Variants in CHST8 observed in about 807,000 individuals in gnomAD.
The protein encoded by CHST8 is carbohydrate sulfotransferase 8, also known as GALNAC-4-ST1.
Under a neutral mutation model 15.0 loss-of-function variants are expected in CHST8, and 10 were observed. That is an observed-to-expected ratio of 0.67 (90% CI 0.41 to 1.13). The LOEUF (loss-of-function observed/expected upper bound fraction) is 1.13. Ranked by LOEUF, CHST8 falls within the 50% of genes most tolerant of loss-of-function variation. The probability of loss-of-function intolerance (pLI) is 0.00; values close to 1 mark genes in which losing one functional copy is unlikely to be tolerated. For missense variants in CHST8, 634 were observed against 608.2 expected (o/e 1.04, Z -0.45); for synonymous variants, 259 against 256.6 (o/e 1.01, Z -0.09).
At chr19:33,703,094 G>A (rs1309022094) in intron 3 of CHST8, among the ~76,000 whole-genome samples, 1 of 152,226 alleles carries the variant, frequency 6.6e-6, no homozygotes, top group Non-Finnish European at 1.5e-5. Flanking sequence ...CAGCTGCCGT[G>A]GAGAGGTGGA....
chr19:33,719,247 G>A (rs998349228), intron 3 of CHST8, among the ~76,000 whole-genome samples: 6 of 151,902 alleles, frequency 3.9e-5, no homozygotes, highest in African/African-American at 1.5e-4. Flanking sequence ...GTCAGCCGGG[G>A]GTGGGCCGGG....
intron 2 of CHST8, among the ~76,000 whole-genome samples, chr19:33,681,438 G>A (rs148369021): frequency 6.6e-6 from 1 of 152,306 alleles, no homozygotes; most frequent in Non-Finnish European, 1.5e-5. Context: ...CCCAGGAACA[G>A]GGATAACTGT....
At chr19:33,751,123 G>A (rs536234604) in intron 3 of CHST8, among the ~76,000 whole-genome samples, 10 of 152,284 alleles carry the variant, frequency 6.6e-5, no homozygotes, top group South Asian at 4.1e-4. Flanking sequence ...AGTCATTAAC[G>A]TGGCCAAAAA....
At chr19:33,713,321 G>T (rs1260543698) in intron 3 of CHST8, among the ~76,000 whole-genome samples, 1 of 152,096 alleles carries the variant, frequency 6.6e-6, no homozygotes, top group Non-Finnish European at 1.5e-5. Context: ...TGGCTCCCCT[G>T]GTAGGCCACC....
At chr19:33,645,838 T>A (rs1972348776) in intron 1 of CHST8, among the ~76,000 whole-genome samples, 1 of 152,020 alleles carries the variant, frequency 6.6e-6, no homozygotes, top group African/African-American at 2.4e-5. Flanking sequence ...AAAAAGAGTT[T>A]AGTGAGGGCC....
intron 2 of CHST8, among the ~76,000 whole-genome samples, chr19:33,674,325 A>G (rs1223168777): frequency 1.3e-5 from 2 of 152,076 alleles, no homozygotes; most frequent in African/African-American, 4.8e-5. Flanking sequence ...AGTCCCAATT[A>G]ACCATCTGCA....
rs1974561554 is a variant in CHST8, at chr19:33,757,113, G to A, written c.131-14300G>A. On this transcript the variant is annotated intron_variant, in intron 3 of 4. Coordinates refer to ENST00000650847, the MANE Select transcript of CHST8 (RefSeq NM_001127895.2). ...GAGGAAGAGCTGGCCATTCAGGATG[G>A]GCGCAGTGGCTCATGCCTGTAATCC... Among the ~76,000 whole-genome samples the A allele has an allele frequency of 2.0e-5, 3 of 152,124 alleles. No individual in the cohort carries two copies. The South Asian group carries it at 6.2e-4, about 32-fold the overall frequency.
intron 1 of CHST8, among the ~76,000 whole-genome samples, chr19:33,636,156 A>C (rs1325269566): frequency 1.3e-5 from 2 of 151,432 alleles, no homozygotes; most frequent in Non-Finnish European, 1.5e-5. Context: ...GGCAGATTTG[A>C]GGAATCATTC....
At chr19:33,672,633 T>C (rs1164459322) in intron 2 of CHST8, among the ~76,000 whole-genome samples, 1 of 152,218 alleles carries the variant, frequency 6.6e-6, no homozygotes, top group Non-Finnish European at 1.5e-5. Context: ...GGACTCTGAC[T>C]GGCCGGGCAG....
In CHST8 at chr19:33,678,850, T is replaced by G. The variant is rs557215967; in HGVS notation, c.-86-10326T>G. 6.6e-5 allele frequency among the ~76,000 whole-genome samples: 10 copies of G among 152,344 alleles called. No homozygotes were observed. The East Asian group carries it at 1.9e-3, about 29-fold the overall frequency. ...GAGTGGACCCACAGAGCACAACCAC[T>G]GGACTCCACATGACCCCAGCCCGAA... On this transcript the variant is annotated intron_variant, in intron 2 of 4. Coordinates refer to ENST00000650847, the MANE Select transcript of CHST8 (RefSeq NM_001127895.2).
rs563608654 is a variant in CHST8, at chr19:33,665,257, T to C, written c.-163-2510T>C. On this transcript the variant is annotated intron_variant, in intron 1 of 4. Transcript: ENST00000650847. ...TCCATATCCTTACTAGCATCTGTTA[T>C]GCCAGACAGACTATTTATAAGTGAA... is the stretch of plus-strand genomic sequence containing the variant. Among the ~76,000 whole-genome samples, 3 of 152,370 alleles carry C rather than the reference T, an allele frequency of 2.0e-5. No homozygotes were observed. In the South Asian group the frequency reaches 6.2e-4, roughly 32 times the overall value.
intron 3 of CHST8, among the ~76,000 whole-genome samples, chr19:33,742,254 G>A (rs946725841): frequency 6.6e-6 from 1 of 152,134 alleles, no homozygotes; most frequent in Admixed American, 6.5e-5. Flanking sequence ...AAAACTGGGT[G>A]TATTAGTTTG....
intron 3 of CHST8, among the ~76,000 whole-genome samples, chr19:33,728,046 A>G (rs1973934554): frequency 1.3e-5 from 2 of 152,254 alleles, no homozygotes; most frequent in Admixed American, 1.3e-4. Context: ...CTTCGCTCCC[A>G]CGGCAGGTTC....
intron 3 of CHST8, among the ~76,000 whole-genome samples, chr19:33,738,692 C>G (rs1263650937): frequency 1.3e-5 from 2 of 152,158 alleles, no homozygotes; most frequent in Non-Finnish European, 2.9e-5. Flanking sequence ...AGGGTTCAAG[C>G]AATTCTCCTG....
rs1431563735 is a variant in CHST8 at position 33,772,343 on chromosome 19, C to T, written c.555C>T (p.Phe185=). 8 of 1,606,554 alleles carry T rather than the reference C, an allele frequency of 5.0e-6. No individual in the cohort carries two copies. The highest frequency in any genetic ancestry group is 6.8e-6 in the Non-Finnish European group (8 of 1,179,164). ...AVTPRHVSRI[F]VEDRHRVLYC... Reference sequence around the variant, plus strand: ...CGCCCCGCCACGTGTCCCGTATCTTCGTGGAGGACCGCCACCGCGTGCTCT... The same window carrying T: ...CGCCCCGCCACGTGTCCCGTATCTTTGTGGAGGACCGCCACCGCGTGCTCT... The change falls in exon 5 of 5, where the codon TTC becomes TTT. Residue 185 remains phenylalanine, a synonymous_variant. Transcript: ENST00000650847.
intron 3 of CHST8, among the ~76,000 whole-genome samples, chr19:33,729,608 G>A (rs1485252860): frequency 6.6e-6 from 1 of 152,216 alleles, no homozygotes; most frequent in African/African-American, 2.4e-5. Flanking sequence ...TATGGTTGAG[G>A]TGCTTTCATA....
intron 3 of CHST8, among the ~76,000 whole-genome samples, chr19:33,754,910 C>T (rs1974515553): frequency 1.3e-5 from 2 of 152,228 alleles, no homozygotes. Context: ...GGATCCCTTT[C>T]TGCTGAGCAC....
intron 3 of CHST8, among the ~76,000 whole-genome samples, chr19:33,747,293 G>T (rs1599614257): frequency 2.6e-5 from 4 of 152,266 alleles, no homozygotes; most frequent in Admixed American, 2.6e-4. Flanking sequence ...ACAGCTAATT[G>T]CTCACAGCTG....
intron 2 of CHST8, among the ~76,000 whole-genome samples, chr19:33,674,605 G>A (rs1361978610): frequency 1.3e-5 from 2 of 152,180 alleles, no homozygotes; most frequent in African/African-American, 4.8e-5. Flanking sequence ...GGGGTCTCCA[G>A]AGTGATGCAC....
Sources: allele counts gnomAD v4.1 joint callset (sites outside exome capture counted in the v4.1 genomes callset), GRCh38; gene constraint gnomAD v4.1.1; transcripts MANE v1.5; gene names NCBI Gene and HGNC (gene_info 2026-07-23, HGNC 2026-07-21).